Variants in RAVER1 observed in about 807,000 individuals in gnomAD.
RAVER1 encodes ribonucleoprotein, PTB binding 1.
RAVER1 carries 36 observed loss-of-function variants against 68.4 expected under a neutral mutation model. The ratio of observed to expected loss-of-function variants is 0.53; its 90% CI spans 0.40 to 0.70. The LOEUF (loss-of-function observed/expected upper bound fraction) is 0.70. RAVER1 is among the 30% of genes least tolerant of loss of function. The probability of loss-of-function intolerance (pLI) is 0.00; values close to 1 mark genes in which losing one functional copy is unlikely to be tolerated. For synonymous variants in RAVER1, 469 were observed against 472.7 expected, an observed-to-expected ratio of 0.99 and a Z score of 0.10; for missense variants, 933 against 1,019.8, an observed-to-expected ratio of 0.91 and a Z score of 1.16.
At position 10,321,211 on chromosome 19, in the gene RAVER1, G is replaced by T; in HGVS notation, c.1310C>A (p.Pro437His). The change falls in exon 8 of 13, where the codon CCC (proline) becomes CAC (histidine). Residue 437 changes from proline (P) to histidine (H), a missense_variant. Coordinates refer to ENST00000617231, the MANE Select transcript of RAVER1 (RefSeq NM_133452.3). The stretch of plus-strand genomic sequence containing the variant: ...AGGGCCAAGCACGGATGGCAGCAGG[G>T]GTGGTGGCTTCCCTCGCCGGGGCGG... ...ELPPRRGKPPPLLPSVLGPAG... is the reference protein window; with the variant it reads ...ELPPRRGKPPHLLPSVLGPAG... 4 of 1,276,456 alleles carry T rather than the reference G, an allele frequency of 3.1e-6. No homozygotes were observed. Among genetic ancestry groups the T allele is most frequent in the Non-Finnish European group, 3.0e-6 (3 of 1,007,734 alleles). 79.1% of individuals were successfully genotyped at this position (1,276,456 alleles called of 1,614,324 possible).
At chr19:10,330,072 G>A (rs533770819) in intron 2 of RAVER1, among the ~76,000 whole-genome samples, 6 of 150,612 alleles carry the variant, frequency 4.0e-5, no homozygotes, top group South Asian at 2.1e-4. Context: ...GCAGCGAGCC[G>A]AGCTCGCGCC....
At position 10,317,113 on chromosome 19, in the gene RAVER1, C is replaced by T. The variant is rs1331202077; in HGVS notation, c.*341G>A. The T allele has an allele frequency of 8.6e-6, 3 of 350,634 alleles. No homozygotes were observed. The highest frequency in any genetic ancestry group is 1.0e-5 in the Non-Finnish European group (2 of 190,928). The allele number at this position is 350,634 out of a possible 1,614,324, so 21.7% of individuals were successfully genotyped here. A position where few individuals can be genotyped will look rare whatever the true frequency, so the allele number is the denominator to read the frequency against. ...AGGTCAGGGAAACCTCCAAGGCACT[C>T]GAAAGGCCAAAATTACAGGAGCAAT... is the stretch of plus-strand genomic sequence containing the variant. On this transcript the variant is annotated 3_prime_UTR_variant, in exon 13 of 13. Coordinates refer to ENST00000617231, the MANE Select transcript of RAVER1 (RefSeq NM_133452.3). This position sits in a 1 kb window ranked among gnomAD's most constrained non-coding sequence, Gnocchi z 4.3.
intron 9 of RAVER1, 88 bp downstream of exon 9, chr19:10,320,567 C>T: frequency 1.7e-6 from 2 of 1,165,676 alleles, no homozygotes; most frequent in Non-Finnish European, 2.4e-6. Flanking sequence ...CTCCCTAGCA[C>T]ATGGCCTGGC....
At position 10,317,190 on chromosome 19, in the gene RAVER1, A is replaced by G. The variant is rs1209176751; in HGVS notation, c.*264T>C. 2.0e-6 allele frequency: 1 copy of G among 495,846 alleles called. No individual in the cohort carries two copies. The highest frequency in any genetic ancestry group is 3.6e-6 in the Non-Finnish European group (1 of 279,100). 30.7% of individuals were successfully genotyped at this position (495,846 alleles called of 1,614,324 possible). On this transcript the variant is annotated 3_prime_UTR_variant, in exon 13 of 13. Transcript: ENST00000617231. This position sits in a 1 kb window ranked among gnomAD's most constrained non-coding sequence, Gnocchi z 4.3. ...GCACAGCGGAGGAGGAGATGGGGGG[A>G]GGGAGGGAGAGCAGGCCGGGGCCCC...
At chr19:10,320,625 G>GT (rs2040428952) in intron 9 of RAVER1, 30 bp downstream of exon 9, 3 of 1,487,266 alleles carry the variant, frequency 2.0e-6, no homozygotes, top group Admixed American at 2.5e-5. Flanking sequence ...TTTGGCCTTA[G>GT]GGGACAGAGA....
At position 10,329,178 on chromosome 19, in the gene RAVER1, C is replaced by CTGGTTTGCAGGGTGG; in HGVS notation, c.287-68_287-67insCCACCCTGCAAACCA. The stretch of plus-strand genomic sequence containing the variant: ...AGGGCCTGCCCCTCCACCCCGCCAC[C>CTGGTTTGCAGGGTGG]CTGCAAACCAGGTGGGACCTCCAAA... On this transcript the variant is annotated intron_variant, in intron 2 of 12. Coordinates refer to ENST00000617231, the MANE Select transcript of RAVER1 (RefSeq NM_133452.3). This position sits in a 1 kb window ranked among gnomAD's most constrained non-coding sequence, Gnocchi z 4.6. 1 of 1,013,688 alleles carries CTGGTTTGCAGGGTGG rather than the reference C, an allele frequency of 9.9e-7. No individual in the cohort carries two copies. The highest frequency in any genetic ancestry group is 1.4e-6 in the Non-Finnish European group (1 of 704,144). 62.8% of individuals were successfully genotyped at this position (1,013,688 alleles called of 1,614,324 possible).
Position 10,333,492 on chromosome 19 carries a change from A to G in RAVER1, c.16T>C (p.Ser6Pro), listed in dbSNP as rs1202301235. 7 of 1,602,090 alleles carry G rather than the reference A, an allele frequency of 4.4e-6. No homozygotes were observed. Among genetic ancestry groups the G allele is most frequent in the Non-Finnish European group, 5.1e-6 (6 of 1,174,638 alleles). MAADV[S>P]VTHRPPLSPK... Reference sequence around the variant, plus strand: ...CTCAGCGGGGGCCGGTGAGTAACGGACACGTCCGCCGCCATCTTGGGAAAC... The same window carrying G: ...CTCAGCGGGGGCCGGTGAGTAACGGGCACGTCCGCCGCCATCTTGGGAAAC... Residue 6 changes from serine (S) to proline (P), a missense_variant, in exon 1 of 13, where the codon TCC becomes CCC. Ser to Pro is a moderately conservative substitution (Grantham distance 74). This residue lies in a region of RAVER1 where 211 missense variants were observed against 230.0 expected (regional missense o/e 0.92). Coordinates refer to ENST00000617231, the MANE Select transcript of RAVER1 (RefSeq NM_133452.3). This position sits in a 1 kb window ranked among gnomAD's most constrained non-coding sequence, Gnocchi z 4.2.
chr19:10,328,622 A>T lies in RAVER1; in HGVS notation c.756+20T>A. On this transcript the variant is annotated intron_variant, in intron 3 of 12. Coordinates refer to ENST00000617231, the MANE Select transcript of RAVER1 (RefSeq NM_133452.3). This position sits in a 1 kb window ranked among gnomAD's most constrained non-coding sequence, Gnocchi z 4.4. ...CTCCGGGCCTGGCACCTGCTCCCCA[A>T]TGCTCTCCACAGGGCTCACCTGGCA... 1.3e-6 allele frequency: 2 copies of T among 1,517,646 alleles called. No homozygotes were observed. Among genetic ancestry groups the T allele is most frequent in the Non-Finnish European group, 1.8e-6 (2 of 1,120,306 alleles). The allele number at this position is 1,517,646 out of a possible 1,614,324, so 94.0% of individuals were successfully genotyped here.
In RAVER1 at chr19:10,317,719, C is replaced by G. The variant is rs752237465; in HGVS notation, c.2044G>C (p.Gly682Arg). 4 of 1,595,346 alleles carry G rather than the reference C, an allele frequency of 2.5e-6. No homozygotes were observed. Among genetic ancestry groups the G allele is most frequent in the Admixed American group, 1.7e-5 (1 of 58,080 alleles). ...SGEGLLGLSP[G>R]PNGHSHLLKT... ...AGCAGGTGGCTGTGACCATTAGGCC[C>G]GGGGCTGAGGCCCAGGAGCCCTTCT... Residue 682 changes from glycine to arginine, a missense_variant, in exon 12 of 13, where the codon GGG (glycine) becomes CGG (arginine). Around this residue, in one of 3 missense-constraint regions of RAVER1, gnomAD observed 699 missense variants for 731.1 expected, o/e 0.96. Transcript: ENST00000617231. This position sits in a 1 kb window ranked among gnomAD's most constrained non-coding sequence, Gnocchi z 4.3.
chr19:10,328,061 TCA>T lies in RAVER1; in HGVS notation c.756+579_756+580del, dbSNP rs1224224456. On this transcript the variant is annotated intron_variant, in intron 3 of 12. Transcript: ENST00000617231. The surrounding 1 kb of genome is among the most constrained non-coding windows in gnomAD (Gnocchi z 4.4). ...GGCGGGGCTGGGATCTGGCAAAGCC[TCA>T]GTCTCTGACCTCAAGGCTCAAATAG... Among the ~76,000 whole-genome samples, 4 of 152,294 alleles carry T rather than the reference TCA, an allele frequency of 2.6e-5. No homozygotes were observed. The highest frequency in any genetic ancestry group is 4.4e-5 in the Non-Finnish European group (3 of 68,016).
Position 10,323,638 on chromosome 19 carries a change from G to A in RAVER1, c.757-72C>T, listed in dbSNP as rs143209440. 1,378 of 1,481,850 alleles carry A rather than the reference G, an allele frequency of 9.3e-4. 10 individuals are homozygous for A. The African/African-American group carries it at 0.017, about 19-fold the overall frequency. 91.8% of individuals were successfully genotyped at this position (1,481,850 alleles called of 1,614,324 possible). Reference sequence around the variant, plus strand: ...TGCACCACCCCGGGAAGTGACAACCGTAACCAGACTCAGCTGCCCCATAAG... The same window carrying A: ...TGCACCACCCCGGGAAGTGACAACCATAACCAGACTCAGCTGCCCCATAAG... On this transcript the variant is annotated intron_variant, in intron 3 of 12. Transcript: ENST00000617231. The surrounding 1 kb of genome is among the most constrained non-coding windows in gnomAD (Gnocchi z 6.2).
chr19:10,320,693 G>C lies in RAVER1; in HGVS notation c.1732C>G (p.Pro578Ala). 6.4e-7 allele frequency: 1 copy of C among 1,550,572 alleles called. No individual in the cohort carries two copies. The highest frequency in any genetic ancestry group is 2.4e-5 in the East Asian group (1 of 41,230). The change falls in exon 9 of 13, where the codon CCA becomes GCA. Residue 578 changes from proline to alanine, a missense_variant. Physicochemically the swap from Pro to Ala is conservative, Grantham distance 27 (BLOSUM62 -1). Coordinates refer to ENST00000617231, the MANE Select transcript of RAVER1 (RefSeq NM_133452.3). ...AAGCTGTAGCTGTCAGACAGTCCTGGTTCGGGGGGCAGGCGGGCGCTGCTG... is the reference window on the plus strand; with the variant it reads ...AAGCTGTAGCTGTCAGACAGTCCTGCTTCGGGGGGCAGGCGGGCGCTGCTG... Reference protein sequence around the residue: ...PLSSARLPPEPGLSDSYSFDY... With the variant: ...PLSSARLPPEAGLSDSYSFDY...
At chr19:10,326,328 G>A (rs2040474464) in intron 3 of RAVER1, among the ~76,000 whole-genome samples, 1 of 152,266 alleles carries the variant, frequency 6.6e-6, no homozygotes, top group East Asian at 1.9e-4. Context: ...AGCCCGCACA[G>A]GCGGCCTGGT....
Position 10,323,134 on chromosome 19 carries a change from C to A in RAVER1, c.1078+11G>T. 1 of 1,573,422 alleles carries A rather than the reference C, an allele frequency of 6.4e-7. No individual in the cohort carries two copies. The highest frequency in any genetic ancestry group is 8.6e-7 in the Non-Finnish European group (1 of 1,160,520). On this transcript the variant is annotated intron_variant, in intron 5 of 12. Transcript: ENST00000617231. The surrounding 1 kb of genome is among the most constrained non-coding windows in gnomAD (Gnocchi z 6.2). ...TCTGCACAGTGGGGCCCCTGTCCAG[C>A]CCCACCTTACCCTGCTTCCCCCCCG...
At chr19:10,318,088 C>T in intron 11 of RAVER1, 141 bp downstream of exon 11, 2 of 679,202 alleles carry the variant, frequency 2.9e-6, no homozygotes, top group East Asian at 5.6e-5. Flanking sequence ...TAGGCTGTTG[C>T]TACTCCACCC....
In RAVER1 at chr19:10,317,443, G is replaced by A; in HGVS notation, c.*11C>T. On this transcript the variant is annotated 3_prime_UTR_variant, in exon 13 of 13. Coordinates refer to ENST00000617231, the MANE Select transcript of RAVER1 (RefSeq NM_133452.3). This position sits in a 1 kb window ranked among gnomAD's most constrained non-coding sequence, Gnocchi z 4.3. ...GGTGCAGGCCCTTGAGTTATCTCTG[G>A]TGCCAGCCACTTAGAAAATCCTCTT... The A allele has an allele frequency of 1.2e-6, 2 of 1,613,726 alleles. No individual in the cohort carries two copies. Among genetic ancestry groups the A allele is most frequent in the African/African-American group, 1.3e-5 (1 of 75,052 alleles).
chr19:10,330,613 A>AAGGC, intron 1 of RAVER1, 87 bp from the exon 2 acceptor site: 1 of 666,758 alleles, frequency 1.5e-6, no homozygotes, highest in Non-Finnish European at 2.8e-6. Flanking sequence ...ACCAGCTATG[A>AAGGC]AGGCAGGTCA....
At chr19:10,331,242 C>T (rs552497429) in intron 1 of RAVER1, among the ~76,000 whole-genome samples, 1 of 150,398 alleles carries the variant, frequency 6.6e-6, no homozygotes, top group Non-Finnish European at 1.5e-5. Context: ...CCCAGCTACT[C>T]GGGAGGCTGA....
rs1325011072 is a variant in RAVER1 at position 10,317,411 on chromosome 19, G to A, written c.*43C>T. 1 of 1,599,708 alleles carries A rather than the reference G, an allele frequency of 6.3e-7. No homozygotes were observed. Among genetic ancestry groups the A allele is most frequent in the Non-Finnish European group, 8.5e-7 (1 of 1,170,368 alleles). On this transcript the variant is annotated 3_prime_UTR_variant, in exon 13 of 13. Transcript: ENST00000617231. The surrounding 1 kb of genome is among the most constrained non-coding windows in gnomAD (Gnocchi z 4.3). Reference sequence around the variant, plus strand: ...AAACAAAACATCAGAAAACCCAAAAGCGATTTGGTGCAGGCCCTTGAGTTA... The same window carrying A: ...AAACAAAACATCAGAAAACCCAAAAACGATTTGGTGCAGGCCCTTGAGTTA...
Sources: gnomAD v4.1 joint callset for allele counts (sites outside exome capture counted in the v4.1 genomes callset) on GRCh38, gnomAD v4.1.1 for gene constraint, gnomAD v4.1.1 regional missense constraint, Gnocchi (gnomAD v3.1) non-coding constraint, MANE v1.5 for transcripts, NCBI Gene and HGNC (gene_info 2026-07-23, HGNC 2026-07-21) for gene names.